Variants in CLYBL observed in about 807,000 individuals in gnomAD.
CLYBL encodes citramalyl-CoA lyase.
Under a neutral mutation model 38.9 loss-of-function variants are expected in CLYBL, and 31 were observed. That is an observed-to-expected ratio of 0.80 (90% CI 0.60 to 1.08). The LOEUF is 1.08. Among genes scored for constraint, CLYBL ranks in the 50% least tolerant of loss-of-function variants. The pLI, the probability that CLYBL is intolerant of heterozygous loss-of-function variation, is 0.00. For synonymous variants in CLYBL, 171 were observed against 158.6 expected (o/e 1.08, Z -0.59); for missense variants, 434 against 411.6 (o/e 1.05, Z -0.47).
chr13:99,685,476 A>C (rs1014017388), intron 1 of CLYBL, among the ~76,000 whole-genome samples: 1 of 152,210 alleles, frequency 6.6e-6, no homozygotes, highest in African/African-American at 2.4e-5. Flanking sequence ...AAAAAAATGA[A>C]CTTGACTGAC....
chr13:99,771,020 CTTTTTTTTTTTTTTTTT>C (rs546998940), intron 1 of CLYBL, among the ~76,000 whole-genome samples: 35,331 of 121,074 alleles, frequency 0.29, 4,906 homozygotes, highest in East Asian at 0.41. Flanking sequence ...ACGCGGGGCC[CTTTTTTTTTTTTTTTTT>C]TTTTTTTTTT....
At chr13:99,804,315 T>G (rs2050190706) in intron 2 of CLYBL, among the ~76,000 whole-genome samples, 1 of 152,200 alleles carries the variant, frequency 6.6e-6, no homozygotes, top group African/African-American at 2.4e-5. Context: ...TTCAGCAGAC[T>G]CTTGTTGTTT....
intron 2 of CLYBL, among the ~76,000 whole-genome samples, chr13:99,781,568 C>T (rs1318053190): frequency 6.6e-5 from 10 of 152,022 alleles, no homozygotes; most frequent in East Asian, 1.9e-4. Context: ...CTCTGCCCCC[C>T]GGGTTCAAGC....
At chr13:99,773,765 G>C (rs2049452026) in intron 2 of CLYBL, among the ~76,000 whole-genome samples, 1 of 152,056 alleles carries the variant, frequency 6.6e-6, no homozygotes, top group African/African-American at 2.4e-5. Flanking sequence ...CTGAGTAATG[G>C]TCTTTTCTCT....
chr13:99,897,445 G>A (rs1474527377), downstream of CLYBL, among the ~76,000 whole-genome samples: 1 of 152,164 alleles, frequency 6.6e-6, no homozygotes, highest in Non-Finnish European at 1.5e-5. Flanking sequence ...AACCCATTCT[G>A]GAAGGTATAG....
exon 10 of CLYBL, among the ~76,000 whole-genome samples, chr13:99,908,660 C>T (rs1208816670): frequency 6.6e-6 from 1 of 152,186 alleles, no homozygotes; most frequent in African/African-American, 2.4e-5. Context: ...TGTTGCAATG[C>T]AAAGTAATCT....
chr13:99,618,632 C>G (rs2046749885), intron 1 of CLYBL, among the ~76,000 whole-genome samples: 1 of 152,208 alleles, frequency 6.6e-6, no homozygotes, highest in Non-Finnish European at 1.5e-5. Flanking sequence ...TGTTGTACAA[C>G]TGTCACCACC....
intron 2 of CLYBL, among the ~76,000 whole-genome samples, chr13:99,815,852 G>A (rs2050435600): frequency 1.3e-5 from 2 of 152,136 alleles, no homozygotes; most frequent in African/African-American, 4.8e-5. Flanking sequence ...ACTCCAGCCT[G>A]GGTGACGGGG....
At chr13:99,642,091 C>T (rs571690455) in intron 1 of CLYBL, among the ~76,000 whole-genome samples, 215 of 152,296 alleles carry the variant, frequency 1.4e-3, no homozygotes, top group African/African-American at 5.0e-3. Flanking sequence ...GTACCAGGCT[C>T]TCAGACACAA....
In CLYBL at chr13:99,865,202, C is replaced by T. The variant is rs974849216; in HGVS notation, c.634+291C>T. The T allele has an allele frequency of 1.8e-5, 7 of 395,786 alleles. No homozygotes were observed. Among genetic ancestry groups the T allele is most frequent in the African/African-American group, 4.2e-5 (2 of 48,172 alleles). The allele number at this position is 395,786 out of a possible 1,614,324, so 24.5% of individuals were successfully genotyped here. ...CATGCTCAGGAATATATGGCATCTC[C>T]TTTGCTCCTAATAAATATATTATGT... is the stretch of plus-strand genomic sequence containing the variant. On this transcript the variant is annotated intron_variant, in intron 5 of 8. Coordinates refer to ENST00000339105, the MANE Select transcript of CLYBL (RefSeq NM_206808.5). This position sits in a 1 kb window ranked among gnomAD's most constrained non-coding sequence, Gnocchi z 4.7.
intron 1 of CLYBL, among the ~76,000 whole-genome samples, chr13:99,675,780 AGTT>A (rs1173965059): frequency 1.3e-5 from 2 of 152,250 alleles, no homozygotes; most frequent in East Asian, 3.8e-4. Context: ...TTCATTGATT[AGTT>A]GTTGGAAATT....
intron 2 of CLYBL, among the ~76,000 whole-genome samples, chr13:99,826,933 C>T (rs2050706964): frequency 6.6e-6 from 1 of 152,216 alleles, no homozygotes; most frequent in African/African-American, 2.4e-5. Context: ...ATGAAGGTGT[C>T]TTTCCTTGAA....
At chr13:99,697,150 G>A (rs1256410551) in intron 1 of CLYBL, among the ~76,000 whole-genome samples, 3 of 152,266 alleles carry the variant, frequency 2.0e-5, no homozygotes, top group African/African-American at 7.2e-5. Flanking sequence ...ATGTGGATTG[G>A]GAGAGCCCCT....
At chr13:99,677,972 T>G (rs1316525227) in intron 1 of CLYBL, among the ~76,000 whole-genome samples, 1 of 152,236 alleles carries the variant, frequency 6.6e-6, no homozygotes, top group Non-Finnish European at 1.5e-5. Flanking sequence ...CTTTTCCTCC[T>G]GACATGCTAA....
At chr13:99,717,787 C>T (rs1049523903) in intron 1 of CLYBL, among the ~76,000 whole-genome samples, 6 of 151,898 alleles carry the variant, frequency 4.0e-5, no homozygotes, top group Non-Finnish European at 5.9e-5. Flanking sequence ...TTCTTAAAGG[C>T]TTTTGTTAAA....
chr13:99,851,384 A>G (rs2051327587), intron 2 of CLYBL, among the ~76,000 whole-genome samples: 1 of 151,880 alleles, frequency 6.6e-6, no homozygotes, highest in Non-Finnish European at 1.5e-5. Flanking sequence ...AAAAAAAAAA[A>G]AAAAAAGGTT....
intron 6 of CLYBL, among the ~76,000 whole-genome samples, chr13:99,870,649 T>G (rs960607400): frequency 6.6e-6 from 1 of 152,190 alleles, no homozygotes; most frequent in Non-Finnish European, 1.5e-5. Context: ...AGCTGCCTAG[T>G]CAGCCCACCT....
At chr13:99,766,073 G>A (rs1451101274) in intron 1 of CLYBL, among the ~76,000 whole-genome samples, 2 of 151,404 alleles carry the variant, frequency 1.3e-5, no homozygotes, top group African/African-American at 4.9e-5. Context: ...GGCTAGTCTC[G>A]AACTCCTGCC....
chr13:99,772,757 T>C (rs1242112672), intron 1 of CLYBL, 67 bp from the exon 2 acceptor site: 4 of 1,255,486 alleles, frequency 3.2e-6, no homozygotes, highest in African/African-American at 1.5e-5. Context: ...CATTAAAATA[T>C]AGTTTTTCAC....
Sources: gnomAD v4.1 joint callset for allele counts (sites outside exome capture counted in the v4.1 genomes callset) on GRCh38, gnomAD v4.1.1 for gene constraint, Gnocchi (gnomAD v3.1) non-coding constraint, MANE v1.5 for transcripts, NCBI Gene and HGNC (gene_info 2026-07-23, HGNC 2026-07-21) for gene names.